TENT2: variants seen among roughly 807,000 people sequenced by gnomAD.
The protein encoded by TENT2 is poly(A) RNA polymerase GLD2.
TENT2 carries 44 observed loss-of-function variants against 72.2 expected under a neutral mutation model. The observed-to-expected ratio is 0.61, with a 90% CI of 0.48 to 0.78. The LOEUF (loss-of-function observed/expected upper bound fraction) is 0.78, where lower values mean the gene tolerates loss of function less well. TENT2 is among the 30% of genes least tolerant of loss of function. The probability of loss-of-function intolerance (pLI) is 0.00; values close to 1 mark genes in which losing one functional copy is unlikely to be tolerated. For missense variants in TENT2, 541 were observed against 569.6 expected (o/e 0.95, Z 0.51); for synonymous variants, 212 against 192.5 (o/e 1.10, Z -0.84).
intron 1 of TENT2, among the ~76,000 whole-genome samples, chr5:79,618,859 G>GT (rs1762538059): frequency 1.3e-5 from 2 of 152,028 alleles, no homozygotes; most frequent in Non-Finnish European, 2.9e-5. Context: ...CTCTCATTTT[G>GT]TTTTTTCATA....
rs568283321 is a variant in TENT2, at chr5:79,634,286, A to T, written c.466-6565A>T. On this transcript the variant is annotated intron_variant, in intron 4 of 14. Transcript: ENST00000453514. The stretch of plus-strand genomic sequence containing the variant: ...CTTGACTTTGAGGACAAGTTACAAT[A>T]TTTTTTAGGAAAAATGAACATTCAC... Among the ~76,000 whole-genome samples, 8 of 152,164 alleles carry T rather than the reference A, an allele frequency of 5.3e-5. 1 individual carries two copies. In the East Asian group the frequency reaches 1.4e-3, roughly 26 times the overall value.
chr5:79,654,494 A>G (rs1239711035), intron 10 of TENT2, among the ~76,000 whole-genome samples: 1 of 152,180 alleles, frequency 6.6e-6, no homozygotes, highest in Admixed American at 6.5e-5. Context: ...ACATTAATGA[A>G]TATTCATGGA....
At chr5:79,646,460 T>C (rs1383811894) in intron 8 of TENT2, among the ~76,000 whole-genome samples, 4 of 152,198 alleles carry the variant, frequency 2.6e-5, no homozygotes, top group Non-Finnish European at 5.9e-5. Context: ...GCAGCAACTT[T>C]ATAGAACGTA....
chr5:79,617,062 C>A (rs889840141), intron 1 of TENT2, among the ~76,000 whole-genome samples: 1 of 151,874 alleles, frequency 6.6e-6, no homozygotes, highest in African/African-American at 2.4e-5. Flanking sequence ...TAGTCACAAT[C>A]CCCAGAGGCA....
intron 4 of TENT2, among the ~76,000 whole-genome samples, chr5:79,634,139 A>C (rs1176499726): frequency 3.5e-5 from 5 of 142,052 alleles, no homozygotes; most frequent in Non-Finnish European, 7.6e-5. Context: ...TGGGCAACAG[A>C]GTGAGACTCC....
intron 4 of TENT2, among the ~76,000 whole-genome samples, chr5:79,631,033 A>T (rs1775027806): frequency 1.3e-5 from 2 of 152,162 alleles, no homozygotes; most frequent in African/African-American, 4.8e-5. Context: ...TGGAATCCAT[A>T]ACATTTGATG....
At chr5:79,649,011 C>G in intron 9 of TENT2, 51 bp from the exon 10 acceptor site, 2 of 1,577,782 alleles carry the variant, frequency 1.3e-6, no homozygotes, top group Non-Finnish European at 1.7e-6. Context: ...TGTAAACTTT[C>G]AAAGAAACTA....
intron 4 of TENT2, among the ~76,000 whole-genome samples, chr5:79,628,475 T>C (rs1772279823): frequency 6.6e-6 from 1 of 152,202 alleles, no homozygotes; most frequent in African/African-American, 2.4e-5. Context: ...CCTTGAAGGC[T>C]ATCCTAATGA....
chr5:79,625,722 AT>A (rs1013489902), intron 4 of TENT2, among the ~76,000 whole-genome samples: 6 of 151,284 alleles, frequency 4.0e-5, no homozygotes, highest in African/African-American at 7.3e-5. Flanking sequence ...CTCCTCTGTA[AT>A]TTTTTTTTAA....
At chr5:79,621,629 A>T (rs574627178) in intron 3 of TENT2, among the ~76,000 whole-genome samples, 5 of 151,816 alleles carry the variant, frequency 3.3e-5, no homozygotes, top group Non-Finnish European at 5.9e-5. Flanking sequence ...GTGGTGGCAC[A>T]TACCTGTAAT....
chr5:79,654,763 CA>C (rs60829850), intron 10 of TENT2, among the ~76,000 whole-genome samples: 18,108 of 145,656 alleles, frequency 0.12, 1,637 homozygotes, highest in African/African-American at 0.26. Flanking sequence ...GACCCTGTCT[CA>C]AAAAAAAAAA....
At chr5:79,648,795 A>G in intron 9 of TENT2, 102 bp downstream of exon 9, 1 of 917,320 alleles carries the variant, frequency 1.1e-6, no homozygotes, top group Non-Finnish European at 1.7e-6. Context: ...GTGTTTAAGT[A>G]TAGTGTATCT....
At chr5:79,617,489 A>G (rs1761197672) in intron 1 of TENT2, 1 of 152,168 alleles carries the variant, frequency 6.6e-6, no homozygotes, top group Admixed American at 6.5e-5. Flanking sequence ...TCTATGGTCA[A>G]ATACATCAGA....
intron 14 of TENT2, among the ~76,000 whole-genome samples, chr5:79,682,268 T>C (rs1189301670): frequency 6.6e-6 from 1 of 152,138 alleles, no homozygotes; most frequent in South Asian, 2.1e-4. Context: ...TTCACTTTCA[T>C]AGAAATAAGC....
chr5:79,627,700 G>A (rs1278412034), intron 4 of TENT2, among the ~76,000 whole-genome samples: 1 of 152,078 alleles, frequency 6.6e-6, no homozygotes, highest in African/African-American at 2.4e-5. Flanking sequence ...GGTCAGGCTG[G>A]TCTCAAACTC....
chr5:79,618,848 T>C (rs943781282), intron 1 of TENT2, among the ~76,000 whole-genome samples: 3 of 152,192 alleles, frequency 2.0e-5, no homozygotes, highest in African/African-American at 7.2e-5. Context: ...ACATAGTTTC[T>C]CTCTCATTTT....
intron 8 of TENT2, 53 bp from the exon 9 acceptor site, chr5:79,648,563 GT>G (rs1554082975): frequency 5.5e-6 from 7 of 1,280,838 alleles, no homozygotes; most frequent in East Asian, 2.6e-5. Flanking sequence ...TAGGAAGGAA[GT>G]TTTTTTGTTC....
chr5:79,656,574 G>A (rs1157826401), intron 10 of TENT2, among the ~76,000 whole-genome samples: 1 of 151,850 alleles, frequency 6.6e-6, no homozygotes, highest in Non-Finnish European at 1.5e-5. Flanking sequence ...TTTTAAAATT[G>A]TAGTTTTTGA....
At chr5:79,627,572 A>G (rs1354906151) in intron 4 of TENT2, among the ~76,000 whole-genome samples, 2 of 151,878 alleles carry the variant, frequency 1.3e-5, no homozygotes, top group Non-Finnish European at 2.9e-5. Flanking sequence ...TGCGACCTCC[A>G]TCTCCCGGGT....
Sources: gnomAD v4.1 joint callset for allele counts (sites outside exome capture counted in the v4.1 genomes callset) on GRCh38, gnomAD v4.1.1 for gene constraint, MANE v1.5 for transcripts, NCBI Gene and HGNC (gene_info 2026-07-23, HGNC 2026-07-21) for gene names.